Variants in PIP5K1C observed in about 807,000 individuals in gnomAD.
The protein encoded by PIP5K1C is phosphatidylinositol 4-phosphate 5-kinase type-1 gamma.
In PIP5K1C, 45 loss-of-function variants were observed where a neutral mutation model predicts 80.1. That is an observed-to-expected ratio of 0.56 (90% CI 0.44 to 0.72). The LOEUF (loss-of-function observed/expected upper bound fraction) is 0.72. Ranked by LOEUF, PIP5K1C falls within the 30% of genes least tolerant of loss-of-function variation. The pLI is 0.00. For synonymous variants in PIP5K1C, 498 were observed against 420.1 expected (o/e 1.19, Z -2.27); for missense variants, 753 against 954.6 (o/e 0.79, Z 2.78).
chr19:3,651,714 G>A (rs1450219738), intron 8 of PIP5K1C, 112 bp downstream of exon 8: 51 of 1,066,906 alleles, frequency 4.8e-5, no homozygotes, highest in South Asian at 4.5e-4. Context: ...TGTCACCCAC[G>A]CATGCCCTCG....
intron 1 of PIP5K1C, among the ~76,000 whole-genome samples, chr19:3,682,288 C>T (rs191458299): frequency 6.6e-6 from 1 of 151,100 alleles, no homozygotes; most frequent in Non-Finnish European, 1.5e-5. Context: ...GCAGGAGAAT[C>T]GCTCAAACCC....
In PIP5K1C at chr19:3,662,228, C is replaced by A. The variant is rs1461037024; in HGVS notation, c.220-227G>T. ...CTCGGGCCACACAGCCAGGACAGGG[C>A]TCGGCTGCAACTGCCGCACCACGTC... On this transcript the variant is annotated intron_variant, in intron 3 of 17. Transcript: ENST00000335312. 4.6e-5 allele frequency among the ~76,000 whole-genome samples: 7 copies of A among 152,234 alleles called. No homozygotes were observed. The East Asian group carries it at 1.2e-3, about 25-fold the overall frequency.
Position 3,633,040 on chromosome 19 carries a change from G to C in PIP5K1C, c.*127C>G. 1.5e-6 allele frequency: 1 copy of C among 653,778 alleles called. No individual in the cohort carries two copies. Among genetic ancestry groups the C allele is most frequent in the Non-Finnish European group, 2.8e-6 (1 of 353,382 alleles). 40.5% of individuals were successfully genotyped at this position (653,778 alleles called of 1,614,324 possible). ...GCCGTCGGCATCCGTGCAGGGGGAG[G>C]ACGAGGTCCGGTGGGGCGGCGAGGC... On this transcript the variant is annotated 3_prime_UTR_variant, in exon 18 of 18. Coordinates refer to ENST00000335312, the MANE Select transcript of PIP5K1C (RefSeq NM_012398.3).
intron 10 of PIP5K1C, among the ~76,000 whole-genome samples, chr19:3,646,866 C>CCA (rs2034239078): frequency 6.6e-6 from 1 of 151,628 alleles, no homozygotes; most frequent in Non-Finnish European, 1.5e-5. Context: ...TGTGGAGTGA[C>CCA]GGATGGGAGG....
Position 3,652,094 on chromosome 19 carries a change from C to T in PIP5K1C, c.922-63G>A, listed in dbSNP as rs1294179920. 32 of 1,529,766 alleles carry T rather than the reference C, an allele frequency of 2.1e-5. No homozygotes were observed. In the South Asian group the frequency reaches 2.4e-4, roughly 11 times the overall value. 94.8% of individuals were successfully genotyped at this position (1,529,766 alleles called of 1,614,324 possible). ...CGTCTCTATCCCCCACAACGGCTCC[C>T]GGACCCTATGGGGTTCCCAGCACGG... On this transcript the variant is annotated intron_variant, in intron 7 of 17. Coordinates refer to ENST00000335312, the MANE Select transcript of PIP5K1C (RefSeq NM_012398.3).
intron 15 of PIP5K1C, among the ~76,000 whole-genome samples, chr19:3,640,551 C>T (rs1008923197): frequency 2.0e-5 from 3 of 152,102 alleles, no homozygotes; most frequent in Non-Finnish European, 4.4e-5. Flanking sequence ...GACACCATAT[C>T]CCCAAAAGGG....
rs759916122 is a variant in PIP5K1C at position 3,644,180 on chromosome 19, C to T, written c.1417G>A (p.Ala473Thr). Residue 473 changes from alanine to threonine, a missense_variant, in exon 12 of 18, where the codon GCT (alanine) becomes ACT (threonine). Physicochemically the swap from Ala to Thr is moderately conservative, Grantham distance 58. Around this residue, in one of 6 missense-constraint regions of PIP5K1C, gnomAD observed 315 missense variants for 294.5 expected, o/e 1.07. Coordinates refer to ENST00000335312, the MANE Select transcript of PIP5K1C (RefSeq NM_012398.3). Reference protein sequence around the residue: ...LLAVKPLGPTAAFSASQIPSE... With the variant: ...LLAVKPLGPTTAFSASQIPSE... The stretch of plus-strand genomic sequence containing the variant: ...GGGATCTGGCTGGCCGAGAAGGCAG[C>T]GGTGGGCCCCAGCGGTTTCACAGCT... 7.4e-6 allele frequency: 12 copies of T among 1,612,106 alleles called. No individual in the cohort carries two copies. The highest frequency in any genetic ancestry group is 6.6e-5 in the South Asian group (6 of 91,088).
At chr19:3,666,797 G>A (rs2035027209) in intron 2 of PIP5K1C, among the ~76,000 whole-genome samples, 1 of 150,334 alleles carries the variant, frequency 6.7e-6, no homozygotes, top group African/African-American at 2.5e-5. Context: ...ACACACAAAC[G>A]TGCACACACG....
At position 3,638,726 on chromosome 19, in the gene PIP5K1C, G is replaced by A. The variant is rs903519227; in HGVS notation, c.1920+158C>T. ...GCTGGTGGGTGCGTGTGGGCGTGTC[G>A]TGAGAGTGCTGGCTGGTGAGAGAGC... is the stretch of plus-strand genomic sequence containing the variant. On this transcript the variant is annotated intron_variant, in intron 16 of 17. Transcript: ENST00000335312. 3.3e-5 allele frequency among the ~76,000 whole-genome samples: 5 copies of A among 151,514 alleles called. No homozygotes were observed. The South Asian group carries it at 6.3e-4, about 19-fold the overall frequency.
chr19:3,645,838 C>A, intron 11 of PIP5K1C, 136 bp downstream of exon 11: 3 of 770,754 alleles, frequency 3.9e-6, no homozygotes, highest in Non-Finnish European at 7.2e-6. Context: ...GAGGCCCGGT[C>A]TGAGGGGGGC....
chr19:3,635,952 C>A (rs1453862943), intron 16 of PIP5K1C, among the ~76,000 whole-genome samples: 1 of 152,058 alleles, frequency 6.6e-6, no homozygotes, highest in Non-Finnish European at 1.5e-5. Flanking sequence ...TGCACTCCAG[C>A]CTGGGCGACA....
intron 1 of PIP5K1C, among the ~76,000 whole-genome samples, chr19:3,690,609 G>A (rs1442288885): frequency 6.6e-6 from 1 of 152,088 alleles, no homozygotes; most frequent in Non-Finnish European, 1.5e-5. Flanking sequence ...TAGGAAACCA[G>A]AAAAGGAAAG....
At position 3,688,305 on chromosome 19, in the gene PIP5K1C, G is replaced by T. The variant is rs1480475986; in HGVS notation, c.94+11992C>A. On this transcript the variant is annotated intron_variant, in intron 1 of 17. Coordinates refer to ENST00000335312, the MANE Select transcript of PIP5K1C (RefSeq NM_012398.3). The surrounding 1 kb of genome is among the most constrained non-coding windows in gnomAD (Gnocchi z 5.3). ...CTGAAGGGAATTCCTTCCAGAGCCT[G>T]AGGTTAGGCCGTGGTGGGAAACAGA... 1.3e-5 allele frequency among the ~76,000 whole-genome samples: 2 copies of T among 152,234 alleles called. No homozygotes were observed. Among genetic ancestry groups the T allele is most frequent in the Non-Finnish European group, 2.9e-5 (2 of 68,032 alleles).
Position 3,643,223 on chromosome 19 carries a change from A to G in PIP5K1C, c.1649+20T>C. The G allele has an allele frequency of 6.2e-7, 1 of 1,611,470 alleles. No individual in the cohort carries two copies. Among genetic ancestry groups the G allele is most frequent in the Non-Finnish European group, 8.5e-7 (1 of 1,179,628 alleles). The stretch of plus-strand genomic sequence containing the variant: ...CACAGCGGATGCCCCGCCCACATGC[A>G]CTGCGGATGCCTCGCCCACCTGTAC... On this transcript the variant is annotated intron_variant, in intron 13 of 17. Coordinates refer to ENST00000335312, the MANE Select transcript of PIP5K1C (RefSeq NM_012398.3).
At chr19:3,666,251 G>C (rs1255713071) in intron 2 of PIP5K1C, among the ~76,000 whole-genome samples, 2 of 152,248 alleles carry the variant, frequency 1.3e-5, no homozygotes, top group African/African-American at 4.8e-5. Flanking sequence ...TCATGGACAG[G>C]TGCCCTGAGG....
chr19:3,639,913 G>A lies in PIP5K1C; in HGVS notation c.1788-897C>T, dbSNP rs368741619. On this transcript the variant is annotated intron_variant, in intron 15 of 17. Coordinates refer to ENST00000335312, the MANE Select transcript of PIP5K1C (RefSeq NM_012398.3). The stretch of plus-strand genomic sequence containing the variant: ...CTTGGCTATGGCCACACGGTGCATC[G>A]TGTTCATCCCAGGAATGAGGCTAAA... Among the ~76,000 whole-genome samples the A allele has an allele frequency of 3.9e-5, 6 of 152,328 alleles. No homozygotes were observed. In the East Asian group the frequency reaches 5.8e-4, roughly 15 times the overall value.
At chr19:3,634,399 G>A (rs753452140) in intron 16 of PIP5K1C, among the ~76,000 whole-genome samples, 4 of 151,978 alleles carry the variant, frequency 2.6e-5, no homozygotes, top group Non-Finnish European at 4.4e-5. Context: ...TCTCTCTCGG[G>A]CCTCTGTCAC....
intron 1 of PIP5K1C, among the ~76,000 whole-genome samples, chr19:3,682,045 GGGAGA>G (rs2035605935): frequency 6.6e-6 from 1 of 152,094 alleles, no homozygotes; most frequent in South Asian, 2.1e-4. Context: ...ATAGCACAGA[GGGAGA>G]CAAAGAGAAG....
At chr19:3,642,681 A>T (rs1227196386) in intron 14 of PIP5K1C, among the ~76,000 whole-genome samples, 1 of 152,128 alleles carries the variant, frequency 6.6e-6, no homozygotes, top group Non-Finnish European at 1.5e-5. Flanking sequence ...TAATAGAAGA[A>T]GAAATAAGGA....
Sources: gnomAD v4.1 joint callset for allele counts (sites outside exome capture counted in the v4.1 genomes callset) on GRCh38, gnomAD v4.1.1 for gene constraint, gnomAD v4.1.1 regional missense constraint, Gnocchi (gnomAD v3.1) non-coding constraint, MANE v1.5 for transcripts, NCBI Gene and HGNC (gene_info 2026-07-23, HGNC 2026-07-21) for gene names.